The following CACNA1D variants were observed in gnomAD, a reference collection of about 807,000 sequenced individuals.
The protein encoded by CACNA1D is voltage-dependent L-type calcium channel subunit alpha-1D.
In CACNA1D, 55 loss-of-function variants were observed where a neutral mutation model predicts 257.1. The observed-to-expected ratio is 0.21, with a 90% CI of 0.17 to 0.27. The LOEUF is 0.27. Among genes scored for constraint, CACNA1D ranks in the 10% least tolerant of loss-of-function variants. The probability of loss-of-function intolerance (pLI) is 1.00; values close to 1 mark genes in which losing one functional copy is unlikely to be tolerated. For synonymous variants in CACNA1D, 980 were observed against 1,014.9 expected (o/e 0.97, Z 0.65); for missense variants, 1,876 against 2,784.0 (o/e 0.67, Z 7.34).
intron 8 of CACNA1D, among the ~76,000 whole-genome samples, chr3:53,701,601 G>A (rs2094626512): frequency 6.6e-6 from 1 of 152,242 alleles, no homozygotes; most frequent in Admixed American, 6.5e-5. Flanking sequence ...CTCAAGGTCT[G>A]TGTGCAGAAA....
chr3:53,743,626 A>C (rs781022704), intron 22 of CACNA1D, among the ~76,000 whole-genome samples: 1 of 152,250 alleles, frequency 6.6e-6, no homozygotes, highest in Non-Finnish European at 1.5e-5. Context: ...GCTGAAAGTC[A>C]GGGCCCCAGG....
chr3:53,689,108 GT>G (rs2094497467), intron 8 of CACNA1D, among the ~76,000 whole-genome samples: 1 of 152,194 alleles, frequency 6.6e-6, no homozygotes, highest in South Asian at 2.1e-4. Flanking sequence ...ACAGCAGAGG[GT>G]TGGCAAGTCA....
At chr3:53,558,347 T>G (rs1325227712) in intron 3 of CACNA1D, among the ~76,000 whole-genome samples, 3 of 152,214 alleles carry the variant, frequency 2.0e-5, no homozygotes, top group Non-Finnish European at 4.4e-5. Flanking sequence ...TTTTTGAACA[T>G]TTGGTAGAAT....
chr3:53,687,889 T>A (rs984705335), intron 8 of CACNA1D, among the ~76,000 whole-genome samples: 1 of 152,230 alleles, frequency 6.6e-6, no homozygotes, highest in African/African-American at 2.4e-5. Flanking sequence ...GTTAAGAAAC[T>A]GCTACATAGA....
chr3:53,761,035 G>A (rs1388328138), intron 29 of CACNA1D, among the ~76,000 whole-genome samples: 1 of 152,196 alleles, frequency 6.6e-6, no homozygotes, highest in Non-Finnish European at 1.5e-5. Flanking sequence ...GGACTGCGAA[G>A]GTTCCATCAG....
In CACNA1D at chr3:53,651,166, ACTC is replaced by A. The variant is rs551355669; in HGVS notation, c.623+251_623+253del. Among the ~76,000 whole-genome samples the A allele has an allele frequency of 2.2e-3, 338 of 152,034 alleles. 1 individual carries two copies. Among genetic ancestry groups the A allele is most frequent in the African/African-American group, 7.8e-3 (324 of 41,440 alleles). ...TAACATGTTATAGAAGGGAGTCTGAACTCCTAATATGAGAGGCTTTACCTAACA... is the reference window on the plus strand; with the variant it reads ...TAACATGTTATAGAAGGGAGTCTGAACTAATATGAGAGGCTTTACCTAACA... On this transcript the variant is annotated intron_variant, in intron 4 of 47. Coordinates refer to ENST00000350061, the MANE Select transcript of CACNA1D (RefSeq NM_001128840.3).
chr3:53,557,467 C>T lies in CACNA1D; in HGVS notation c.483+55747C>T, dbSNP rs570092868. ...CGAGATTGCGCCATTGCACTCCAGC[C>T]TGGGCGACAAGAGCGAAACTCTGTC... On this transcript the variant is annotated intron_variant, in intron 3 of 47. Transcript: ENST00000350061. Among the ~76,000 whole-genome samples, 52 of 151,858 alleles carry T rather than the reference C, an allele frequency of 3.4e-4. No homozygotes were observed. The East Asian group carries it at 3.9e-3, about 11-fold the overall frequency.
intron 40 of CACNA1D, among the ~76,000 whole-genome samples, chr3:53,790,089 C>T (rs984394828): frequency 6.6e-6 from 1 of 152,182 alleles, no homozygotes; most frequent in African/African-American, 2.4e-5. Flanking sequence ...CTGCATCAGG[C>T]CTTTTTTAAT....
intron 34 of CACNA1D, among the ~76,000 whole-genome samples, chr3:53,775,342 T>A (rs1239000758): frequency 6.6e-6 from 1 of 152,108 alleles, no homozygotes; most frequent in African/African-American, 2.4e-5. Context: ...TTTGGGAAGC[T>A]GAGGTGGGTG....
chr3:53,801,490 G>A, intron 42 of CACNA1D, 65 bp downstream of exon 42: 2 of 1,597,596 alleles, frequency 1.3e-6, no homozygotes, highest in Non-Finnish European at 8.5e-7. Context: ...CTAGTCCCAA[G>A]GAGCAAGGCG....
intron 9 of CACNA1D, among the ~76,000 whole-genome samples, chr3:53,708,751 T>TAAAA (rs1316486045): frequency 6.6e-6 from 1 of 152,202 alleles, no homozygotes; most frequent in Non-Finnish European, 1.5e-5. Context: ...AATTTCAAAG[T>TAAAA]ATATAAAGTA....
intron 43 of CACNA1D, among the ~76,000 whole-genome samples, chr3:53,802,428 T>G (rs2095540925): frequency 6.6e-6 from 1 of 152,218 alleles, no homozygotes; most frequent in Non-Finnish European, 1.5e-5. Flanking sequence ...GGCTGGCTCC[T>G]GCAGGCCTCG....
intron 38 of CACNA1D, among the ~76,000 whole-genome samples, chr3:53,780,368 C>T (rs939433372): frequency 5.3e-5 from 8 of 152,234 alleles, no homozygotes; most frequent in African/African-American, 1.9e-4. Context: ...TTGACTCATA[C>T]TACTGCTTAC....
chr3:53,690,564 C>T (rs1351450257), intron 8 of CACNA1D, among the ~76,000 whole-genome samples: 2 of 152,220 alleles, frequency 1.3e-5, no homozygotes, highest in Non-Finnish European at 2.9e-5. Flanking sequence ...TACTTCCCAC[C>T]CACCGTGCCT....
At chr3:53,798,139 G>A (rs1050140605) in intron 40 of CACNA1D, 1 of 152,146 alleles carries the variant, frequency 6.6e-6, no homozygotes, top group Non-Finnish European at 1.5e-5. Flanking sequence ...CTTTCTTCAC[G>A]TTCCTGCAGC....
rs189622007 is a variant in CACNA1D, at chr3:53,790,949, T to C, written c.4923+3997T>C. ...TAAGAGGAGAACAGATGCTAACAGA[T>C]GAGATTTCACTGGCTGATTCGTTTG... On this transcript the variant is annotated intron_variant, in intron 40 of 47. Coordinates refer to ENST00000350061, the MANE Select transcript of CACNA1D (RefSeq NM_001128840.3). The C allele has an allele frequency of 7.0e-5, 49 of 700,868 alleles. No individual in the cohort carries two copies. The East Asian group carries it at 1.3e-3, about 18-fold the overall frequency. 43.4% of individuals were successfully genotyped at this position (700,868 alleles called of 1,614,324 possible).
intron 8 of CACNA1D, among the ~76,000 whole-genome samples, chr3:53,675,567 G>A (rs1485413622): frequency 2.6e-5 from 4 of 152,014 alleles, no homozygotes; most frequent in Admixed American, 2.6e-4. Context: ...ATGAAGTAGA[G>A]GCAGGAGCCA....
chr3:53,676,072 G>T lies in CACNA1D; in HGVS notation c.1220+2946G>T, dbSNP rs568863439. Among the ~76,000 whole-genome samples the T allele has an allele frequency of 9.2e-5, 14 of 152,328 alleles. No homozygotes were observed. The East Asian group carries it at 2.7e-3, about 29-fold the overall frequency. On this transcript the variant is annotated intron_variant, in intron 8 of 47. Coordinates refer to ENST00000350061, the MANE Select transcript of CACNA1D (RefSeq NM_001128840.3). ...CTGGTCCAGAGGCGAGGGGTGCCAG[G>T]ATGTCTCAGACACAGACAGCGGCCT...
chr3:53,776,110 C>A, intron 35 of CACNA1D, 65 bp downstream of exon 35: 2 of 1,440,884 alleles, frequency 1.4e-6, no homozygotes, highest in East Asian at 2.3e-5. Context: ...AGCGTTCACA[C>A]AAATGGCCTT....
Sources: allele counts gnomAD v4.1 joint callset (sites outside exome capture counted in the v4.1 genomes callset), GRCh38; gene constraint gnomAD v4.1.1; transcripts MANE v1.5; gene names NCBI Gene and HGNC (gene_info 2026-07-23, HGNC 2026-07-21).